Variants in SRFBP1 observed in about 807,000 individuals in gnomAD.
SRFBP1 encodes serum response factor-binding protein 1.
Under a neutral mutation model 45.5 loss-of-function variants are expected in SRFBP1, and 47 were observed. That is an observed-to-expected ratio of 1.03 (90% CI 0.82 to 1.32). SRFBP1 has a LOEUF of 1.32. Among genes scored for constraint, SRFBP1 ranks in the 40% most tolerant of loss-of-function variants. The pLI, the probability that SRFBP1 is intolerant of heterozygous loss-of-function variation, is 0.00. For missense variants in SRFBP1, 621 were observed against 484.6 expected (o/e 1.28, Z -2.64); for synonymous variants, 203 against 166.3 (o/e 1.22, Z -1.70).
intron 2 of SRFBP1, among the ~76,000 whole-genome samples, chr5:122,037,401 A>C (rs1014092448): frequency 6.6e-6 from 1 of 152,246 alleles, no homozygotes; most frequent in African/African-American, 2.4e-5. Context: ...GCTTGCAGGT[A>C]GGGTAAACTC....
chr5:121,990,040 G>A (rs1380731315), intron 3 of SRFBP1, among the ~76,000 whole-genome samples: 1 of 152,038 alleles, frequency 6.6e-6, no homozygotes, highest in Non-Finnish European at 1.5e-5. Flanking sequence ...ACTTAAAACA[G>A]AGCTACCATT....
chr5:122,030,440 T>G (rs1753570649), downstream of SRFBP1, among the ~76,000 whole-genome samples: 1 of 152,152 alleles, frequency 6.6e-6, no homozygotes, highest in South Asian at 2.1e-4. Context: ...GGGTTGGAGT[T>G]TCTTCAGACA....
chr5:122,066,445 G>A (rs1475253972), intron 2 of SRFBP1: 2 of 329,732 alleles, frequency 6.1e-6, no homozygotes, highest in Non-Finnish European at 5.6e-6. Flanking sequence ...ATTTCAAAAG[G>A]AACATGAGAA....
downstream of SRFBP1, chr5:122,077,205 A>C: frequency 6.8e-7 from 1 of 1,478,902 alleles, no homozygotes. The surrounding 1 kb of genome is among the most constrained non-coding windows in gnomAD (Gnocchi z 4.9). Flanking sequence ...CGCGGTTTGC[A>C]CTGGATTCCA....
At chr5:121,979,839 G>A (rs1210463470) in intron 3 of SRFBP1, among the ~76,000 whole-genome samples, 1 of 152,106 alleles carries the variant, frequency 6.6e-6, no homozygotes, top group Non-Finnish European at 1.5e-5. Flanking sequence ...ACTTCTCCGT[G>A]TAATATCCTA....
At chr5:122,025,161 T>C (rs920202246) in intron 7 of SRFBP1, among the ~76,000 whole-genome samples, 4 of 152,042 alleles carry the variant, frequency 2.6e-5, no homozygotes, top group Admixed American at 6.6e-5. Flanking sequence ...CCTTCCTGTG[T>C]CCATGTGTTC....
intron 2 of SRFBP1, among the ~76,000 whole-genome samples, chr5:122,054,605 C>T (rs548039228): frequency 2.8e-4 from 43 of 152,294 alleles, no homozygotes; most frequent in Admixed American, 8.5e-4. Context: ...TGATTTGGCT[C>T]ATGGTTCATA....
rs767825153 is a variant in SRFBP1, at chr5:122,020,174, A to T, written c.439A>T (p.Asn147Tyr). ...TGCTTCAGAGGACAATCATTCTGAG[A>T]ATACTTTGTATTCAAATGATAATGG... Reference protein sequence around the residue: ...KNASEDNHSENTLYSNDNGSN... With the variant: ...KNASEDNHSEYTLYSNDNGSN... Residue 147 changes from asparagine to tyrosine, a missense_variant, in exon 6 of 8, where the codon AAT becomes TAT. Physicochemically the swap from Asn to Tyr is moderately radical, Grantham distance 143. Coordinates refer to ENST00000339397, the MANE Select transcript of SRFBP1 (RefSeq NM_152546.3). The T allele has an allele frequency of 6.2e-7, 1 of 1,610,082 alleles. No homozygotes were observed. Among genetic ancestry groups the T allele is most frequent in the African/African-American group, 1.3e-5 (1 of 74,670 alleles).
intron 2 of SRFBP1, chr5:122,064,626 A>G (rs1369963706): frequency 6.6e-6 from 1 of 152,008 alleles, no homozygotes; most frequent in African/African-American, 2.4e-5. Flanking sequence ...TTGAAATTTC[A>G]TAGACATGTA....
At chr5:121,963,432 G>C (rs569603460) in intron 1 of SRFBP1, among the ~76,000 whole-genome samples, 1 of 152,148 alleles carries the variant, frequency 6.6e-6, no homozygotes, top group Non-Finnish European at 1.5e-5. Flanking sequence ...TCAGAGTAAT[G>C]TCCCTGGGAT....
intron 2 of SRFBP1, among the ~76,000 whole-genome samples, chr5:122,073,131 G>A (rs751888122): frequency 1.2e-4 from 18 of 152,136 alleles, no homozygotes; most frequent in Non-Finnish European, 2.5e-4. Context: ...TGCTTCCCAA[G>A]ATGCCAACTG....
At chr5:122,051,598 C>T (rs1753982205) in intron 2 of SRFBP1, among the ~76,000 whole-genome samples, 1 of 150,954 alleles carries the variant, frequency 6.6e-6, no homozygotes, top group Non-Finnish European at 1.5e-5. Flanking sequence ...TTTCTGTTTT[C>T]CATTTACTTG....
rs185692929 is a variant in SRFBP1 at position 122,037,740 on chromosome 5, A to G, written n.311+15333A>G. Among the ~76,000 whole-genome samples the G allele has an allele frequency of 5.8e-3, 889 of 152,116 alleles. 4 individuals are homozygous for G. The highest frequency in any genetic ancestry group is 0.011 in the Non-Finnish European group (730 of 67,976). On this transcript the variant is annotated intron_variant and non_coding_transcript_variant, in intron 2 of 2. Transcript: ENST00000504881. Reference sequence around the variant, plus strand: ...GCCACGTCGCCCAGGCTGATCTCAAACGCCTGGCTTCAAGTGTTCCTTCCA... The same window carrying G: ...GCCACGTCGCCCAGGCTGATCTCAAGCGCCTGGCTTCAAGTGTTCCTTCCA...
At chr5:122,062,719 T>C (rs1257375616) in intron 2 of SRFBP1, among the ~76,000 whole-genome samples, 1 of 151,982 alleles carries the variant, frequency 6.6e-6, no homozygotes, top group African/African-American at 2.4e-5. Context: ...TTTTGTGAGT[T>C]GTTCCCCCAA....
Position 121,975,595 on chromosome 5 carries a change from G to T in SRFBP1, c.198+208G>T, listed in dbSNP as rs1752287581. The stretch of plus-strand genomic sequence containing the variant: ...TCTGTTTTTGACTGAATTTGTTAAA[G>T]TGCTAGGCTAATTTGAGTCAAAATT... On this transcript the variant is annotated intron_variant, in intron 3 of 7. Coordinates refer to ENST00000339397, the MANE Select transcript of SRFBP1 (RefSeq NM_152546.3). 2.6e-5 allele frequency among the ~76,000 whole-genome samples: 4 copies of T among 152,006 alleles called. No homozygotes were observed. In the South Asian group the frequency reaches 8.3e-4, roughly 31 times the overall value.
intron 2 of SRFBP1, among the ~76,000 whole-genome samples, chr5:122,051,127 G>A (rs1310322400): frequency 6.6e-6 from 1 of 152,058 alleles, no homozygotes. Flanking sequence ...TGGTTAGTAT[G>A]ATTCTAGTCT....
chr5:121,968,085 T>C (rs2112812073), intron 1 of SRFBP1, among the ~76,000 whole-genome samples: 1 of 152,248 alleles, frequency 6.6e-6, no homozygotes, highest in East Asian at 1.9e-4. Flanking sequence ...ACCCAGTGTA[T>C]AGTATTGTGT....
At position 122,070,145 on chromosome 5, in the gene SRFBP1, C is replaced by T. The variant is rs375654723; in HGVS notation, n.312-5170C>T. The T allele has an allele frequency of 3.7e-6, 6 of 1,612,380 alleles. No individual in the cohort carries two copies. In the African/African-American group the frequency reaches 8.0e-5, roughly 22 times the overall value. On this transcript the variant is annotated intron_variant and non_coding_transcript_variant, in intron 2 of 2. Transcript: ENST00000504881. ...TGTTGGTATAGTCAGATTCAGGAAC[C>T]AGGTAGCTGGGGTTTACACTGACCT... is the stretch of plus-strand genomic sequence containing the variant.
chr5:122,077,746 G>C (rs1754683962), downstream of SRFBP1: 8 of 1,565,836 alleles, frequency 5.1e-6, no homozygotes, highest in Non-Finnish European at 6.9e-6. The surrounding 1 kb of genome is among the most constrained non-coding windows in gnomAD (Gnocchi z 4.9). Context: ...CGGAGGCGTT[G>C]GCTGCACCAG....
Sources: allele counts gnomAD v4.1 joint callset (sites outside exome capture counted in the v4.1 genomes callset), GRCh38; gene constraint gnomAD v4.1.1; non-coding constraint Gnocchi (gnomAD v3.1); transcripts MANE v1.5; gene names NCBI Gene and HGNC (gene_info 2026-07-23, HGNC 2026-07-21).